Variants in NRXN3 observed in about 807,000 individuals in gnomAD.
NRXN3 encodes the protein neurexin III.
A neutral mutation model predicts 137.6 loss-of-function variants in NRXN3; 32 were observed. The observed-to-expected ratio is 0.23, with a 90% confidence interval of 0.18 to 0.31. The LOEUF is 0.31. NRXN3 is among the 10% of genes least tolerant of loss of function. The probability of loss-of-function intolerance (pLI) is 1.00; values close to 1 mark genes in which losing one functional copy is unlikely to be tolerated. For synonymous variants in NRXN3, 798 were observed against 784.5 expected (o/e 1.02, Z -0.29); for missense variants, 1,574 against 2,062.5 (o/e 0.76, Z 4.59).
At chr14:78,909,497 A>C (rs2099230203) in intron 10 of NRXN3, among the ~76,000 whole-genome samples, 1 of 152,144 alleles carries the variant, frequency 6.6e-6, no homozygotes, top group African/African-American at 2.4e-5. Flanking sequence ...TCATTATGAC[A>C]ATGTTCCTTC....
intron 16 of NRXN3, among the ~76,000 whole-genome samples, chr14:79,598,267 A>T (rs2097882789): frequency 6.6e-6 from 1 of 152,136 alleles, no homozygotes; most frequent in Non-Finnish European, 1.5e-5. Context: ...CCGAGATGTG[A>T]TCATTATGTG....
At chr14:79,813,413 T>A (rs2099241723) in intron 20 of NRXN3, among the ~76,000 whole-genome samples, 1 of 152,206 alleles carries the variant, frequency 6.6e-6, no homozygotes, top group South Asian at 2.1e-4. Flanking sequence ...TTGTGCCGCA[T>A]GAATTTTTGG....
intron 1 of NRXN3, among the ~76,000 whole-genome samples, chr14:78,186,538 A>G (rs185551711): frequency 2.4e-3 from 363 of 152,336 alleles, no homozygotes; most frequent in African/African-American, 8.2e-3. Context: ...ATTTGTATTT[A>G]GTGGGCCCTC....
At chr14:79,124,630 A>G (rs2056073278) in intron 15 of NRXN3, among the ~76,000 whole-genome samples, 1 of 152,166 alleles carries the variant, frequency 6.6e-6, no homozygotes, top group African/African-American at 2.4e-5. Context: ...TGAGTGTATA[A>G]TAAACACACA....
At chr14:79,681,771 C>G (rs541105134) in intron 17 of NRXN3, among the ~76,000 whole-genome samples, 1 of 151,144 alleles carries the variant, frequency 6.6e-6, no homozygotes, top group Non-Finnish European at 1.5e-5. Context: ...ATTTAACACA[C>G]TGGAAAAGAA....
intron 15 of NRXN3, among the ~76,000 whole-genome samples, chr14:79,029,928 C>A (rs898253405): frequency 2.0e-5 from 3 of 151,946 alleles, no homozygotes; most frequent in Non-Finnish European, 4.4e-5. Flanking sequence ...TTCACTGCAA[C>A]CTCTGCCTCT....
At chr14:78,682,488 G>A (rs765323780) in intron 6 of NRXN3, among the ~76,000 whole-genome samples, 9 of 151,908 alleles carry the variant, frequency 5.9e-5, no homozygotes, top group Non-Finnish European at 1.3e-4. Flanking sequence ...GCCTTGTTAA[G>A]GCAGCTGCCT....
chr14:79,622,690 A>C (rs2098237624), intron 16 of NRXN3, among the ~76,000 whole-genome samples: 1 of 152,008 alleles, frequency 6.6e-6, no homozygotes, highest in Non-Finnish European at 1.5e-5. Flanking sequence ...TCCGCCTCCC[A>C]GGTTCAAGGG....
At chr14:78,542,929 G>A (rs911042736) in intron 4 of NRXN3, among the ~76,000 whole-genome samples, 2 of 152,174 alleles carry the variant, frequency 1.3e-5, no homozygotes, top group African/African-American at 4.8e-5. Context: ...TTTTGTCAGA[G>A]GACTTTGTGG....
At chr14:79,132,542 T>C (rs2620391) in intron 15 of NRXN3, among the ~76,000 whole-genome samples, 2,772 of 152,248 alleles carry the variant, frequency 0.018, 81 homozygotes, top group African/African-American at 0.064. Context: ...TTTTTTGGGG[T>C]GGCTGCTAGA....
chr14:79,111,280 C>A (rs1477778737), intron 15 of NRXN3, among the ~76,000 whole-genome samples: 2 of 152,172 alleles, frequency 1.3e-5, no homozygotes, highest in African/African-American at 4.8e-5. Flanking sequence ...ACTACTCAAT[C>A]TTTTTGGAAA....
chr14:79,753,650 G>C (rs1007204283), intron 19 of NRXN3, among the ~76,000 whole-genome samples: 1 of 151,576 alleles, frequency 6.6e-6, no homozygotes, highest in Non-Finnish European at 1.5e-5. Flanking sequence ...CAGCACACCA[G>C]CATGGCACAT....
chr14:79,671,521 C>A (rs187991104), intron 17 of NRXN3, among the ~76,000 whole-genome samples: 116 of 152,050 alleles, frequency 7.6e-4, no homozygotes, highest in Admixed American at 1.4e-3. Context: ...TTTCTTTTTG[C>A]GATCTTGTTT....
At chr14:78,559,517 G>A (rs770696827) in intron 4 of NRXN3, among the ~76,000 whole-genome samples, 1 of 152,166 alleles carries the variant, frequency 6.6e-6, no homozygotes, top group Non-Finnish European at 1.5e-5. Flanking sequence ...TCCCAAAAGT[G>A]GTGTTCCTGA....
At chr14:78,183,280 C>T (rs1234654019) in intron 1 of NRXN3, among the ~76,000 whole-genome samples, 1 of 152,166 alleles carries the variant, frequency 6.6e-6, no homozygotes, top group East Asian at 1.9e-4. Flanking sequence ...CTCTCCTCTT[C>T]CCTTTCATCC....
intron 1 of NRXN3, among the ~76,000 whole-genome samples, chr14:78,206,315 G>A (rs1468888729): frequency 6.6e-6 from 1 of 152,160 alleles, no homozygotes; most frequent in Non-Finnish European, 1.5e-5. Flanking sequence ...TCAATGCAGA[G>A]TGTTCAGACA....
intron 10 of NRXN3, among the ~76,000 whole-genome samples, chr14:78,949,960 G>A (rs540161774): frequency 5.3e-4 from 80 of 152,076 alleles, no homozygotes; most frequent in Non-Finnish European, 9.6e-4. Context: ...GCATATCCTC[G>A]TTAGAATCTC....
At chr14:79,234,738 T>A (rs2153304602) in intron 15 of NRXN3, among the ~76,000 whole-genome samples, 1 of 152,156 alleles carries the variant, frequency 6.6e-6, no homozygotes, top group East Asian at 1.9e-4. Context: ...TTAAATGTTC[T>A]GTGAAGTCTT....
At chr14:78,858,929 T>A (rs1034801196) in intron 10 of NRXN3, among the ~76,000 whole-genome samples, 2 of 152,188 alleles carry the variant, frequency 1.3e-5, no homozygotes, top group African/African-American at 2.4e-5. Flanking sequence ...TTCCTACATT[T>A]TTCACAGGCA....
Sources: allele counts gnomAD v4.1 joint callset (sites outside exome capture counted in the v4.1 genomes callset), GRCh38; gene constraint gnomAD v4.1.1; transcripts MANE v1.5; gene names NCBI Gene and HGNC (gene_info 2026-07-23, HGNC 2026-07-21).